Variants in ST18 observed in about 807,000 individuals in gnomAD.
The protein encoded by ST18 is ST18 C2H2C-type zinc finger transcription factor, also known as suppression of tumorigenicity 18 protein.
A neutral mutation model predicts 110.0 loss-of-function variants in ST18; 50 were observed. The observed-to-expected ratio is 0.45, with a 90% confidence interval of 0.36 to 0.58. The LOEUF is 0.58. Ranked by LOEUF, ST18 falls within the 20% of genes least tolerant of loss-of-function variation. ST18 has a pLI of 0.00. For synonymous variants in ST18, 461 were observed against 452.4 expected (o/e 1.02, Z -0.24); for missense variants, 1,306 against 1,280.1 (o/e 1.02, Z -0.31).
intron 2 of ST18, among the ~76,000 whole-genome samples, chr8:52,306,645 G>C (rs1266079968): frequency 6.6e-6 from 1 of 152,172 alleles, no homozygotes; most frequent in African/African-American, 2.4e-5. Context: ...AAGTATAATA[G>C]CAGAAAAAGA....
rs1356265703 is a variant in ST18 at position 52,163,969 on chromosome 8, T to A, written c.1400+17A>T. On this transcript the variant is annotated intron_variant, in intron 13 of 25. Coordinates refer to ENST00000689386, the MANE Select transcript of ST18 (RefSeq NM_001352837.2). ...CTGGATGAAGAGAGCACTGAGAACA[T>A]CGTTAGGGGTTCATACCTGTGGGCC... 21 of 1,596,250 alleles carry A rather than the reference T, an allele frequency of 1.3e-5. No homozygotes were observed. Among genetic ancestry groups the A allele is most frequent in the Non-Finnish European group, 1.8e-5 (21 of 1,164,358 alleles).
chr8:52,205,488 A>G (rs542924933), intron 8 of ST18, among the ~76,000 whole-genome samples: 4 of 152,278 alleles, frequency 2.6e-5, no homozygotes, highest in African/African-American at 9.6e-5. Flanking sequence ...TTAAAATCAC[A>G]TGATTAGCTC....
chr8:52,218,753 C>G (rs2136264177), intron 5 of ST18, among the ~76,000 whole-genome samples: 1 of 151,936 alleles, frequency 6.6e-6, no homozygotes, highest in South Asian at 2.1e-4. Flanking sequence ...AGTAAGCACC[C>G]TTTTGAACAA....
chr8:52,143,409 C>T (rs1446727059), intron 16 of ST18, among the ~76,000 whole-genome samples: 2 of 151,890 alleles, frequency 1.3e-5, no homozygotes, highest in Non-Finnish European at 1.5e-5. Flanking sequence ...TGCGTGAACC[C>T]GGGAAGCGGG....
chr8:52,252,391 A>ATGTC (rs2094353702), intron 2 of ST18, among the ~76,000 whole-genome samples: 1 of 152,004 alleles, frequency 6.6e-6, no homozygotes, highest in Non-Finnish European at 1.5e-5. Context: ...TACCATGGAC[A>ATGTC]GCTCCTAACA....
At chr8:52,369,086 A>G (rs1829275069) in intron 2 of ST18, among the ~76,000 whole-genome samples, 1 of 152,250 alleles carries the variant, frequency 6.6e-6, no homozygotes. Flanking sequence ...ACCGAAAGCC[A>G]TATCTGCCAG....
At chr8:52,344,107 C>T (rs940326349) in intron 2 of ST18, among the ~76,000 whole-genome samples, 5 of 151,938 alleles carry the variant, frequency 3.3e-5, no homozygotes, top group African/African-American at 9.7e-5. Context: ...TACTAAGGTA[C>T]GAAATCAATT....
At chr8:52,392,129 T>C (rs1839498954) in intron 2 of ST18, among the ~76,000 whole-genome samples, 1 of 152,178 alleles carries the variant, frequency 6.6e-6, no homozygotes, top group African/African-American at 2.4e-5. Context: ...CCAGGATCTG[T>C]GTATGGAGTT....
Position 52,114,821 on chromosome 8 carries a change from G to T in ST18, c.3003+1454C>A, listed in dbSNP as rs192042665. On this transcript the variant is annotated intron_variant, in intron 25 of 25. Transcript: ENST00000689386. ...CTATGGAATGGGAATACTAATGCTC[G>T]CTCTTTGGTGCTTTCGTAACATTTT... 3.2e-4 allele frequency among the ~76,000 whole-genome samples: 48 copies of T among 152,262 alleles called. No homozygotes were observed. The East Asian group carries it at 8.5e-3, about 27-fold the overall frequency.
chr8:52,404,593 C>A (rs1843820962), intron 2 of ST18: 1 of 152,166 alleles, frequency 6.6e-6, no homozygotes, highest in Non-Finnish European at 1.5e-5. Flanking sequence ...GCAAAAGGTG[C>A]AAAGCGGAGG....
chr8:52,270,582 T>C (rs1004720956), intron 2 of ST18, among the ~76,000 whole-genome samples: 3 of 152,224 alleles, frequency 2.0e-5, no homozygotes, highest in African/African-American at 7.2e-5. Flanking sequence ...TGTGACATGA[T>C]GGATATGAAA....
chr8:52,334,102 C>T (rs1314843760), intron 2 of ST18, among the ~76,000 whole-genome samples: 1 of 152,180 alleles, frequency 6.6e-6, no homozygotes, highest in African/African-American at 2.4e-5. Flanking sequence ...ACATTTAAAC[C>T]TTTGTTTTAT....
At chr8:52,179,931 T>C (rs111358457) in intron 9 of ST18, among the ~76,000 whole-genome samples, 191 bp downstream of exon 9, 31 of 152,318 alleles carry the variant, frequency 2.0e-4, no homozygotes, top group Non-Finnish European at 3.2e-4. Context: ...TTATGGACCC[T>C]CCACAGTTAC....
chr8:52,289,646 T>A (rs752842798), intron 2 of ST18, among the ~76,000 whole-genome samples: 19 of 152,162 alleles, frequency 1.2e-4, no homozygotes, highest in Non-Finnish European at 2.6e-4. Context: ...GTCATTCACT[T>A]CTTTCTCCAG....
chr8:52,143,328 T>C (rs1311919405), intron 16 of ST18, among the ~76,000 whole-genome samples: 1 of 152,040 alleles, frequency 6.6e-6, no homozygotes, highest in Non-Finnish European at 1.5e-5. Context: ...CTACCAAAAA[T>C]ACAAAAATTT....
rs1024227717 is a variant in ST18, at chr8:52,139,514, C to T, written c.2169-2031G>A. 3.3e-5 allele frequency among the ~76,000 whole-genome samples: 5 copies of T among 151,972 alleles called. No homozygotes were observed. In the East Asian group the frequency reaches 9.6e-4, roughly 29 times the overall value. On this transcript the variant is annotated intron_variant, in intron 17 of 25. Coordinates refer to ENST00000689386, the MANE Select transcript of ST18 (RefSeq NM_001352837.2). ...TGGATTACAGGCGTGTACCACCATG[C>T]CCGACTAATTTTTGTGTTTTTAGTA...
intron 8 of ST18, among the ~76,000 whole-genome samples, chr8:52,202,249 A>G (rs2078233180): frequency 6.6e-6 from 1 of 152,216 alleles, no homozygotes; most frequent in Non-Finnish European, 1.5e-5. Context: ...TGCCTTTATC[A>G]TGCATTACAA....
chr8:52,297,881 G>A (rs1447646930), intron 2 of ST18, among the ~76,000 whole-genome samples: 1 of 152,246 alleles, frequency 6.6e-6, no homozygotes, highest in African/African-American at 2.4e-5. Context: ...AATGAGAGCT[G>A]TTCACAGAAG....
intron 17 of ST18, among the ~76,000 whole-genome samples, chr8:52,141,942 CT>C (rs919760052): frequency 1.3e-5 from 2 of 152,118 alleles, no homozygotes; most frequent in African/African-American, 4.8e-5. Flanking sequence ...GCACCGCGCT[CT>C]TTAGAAGGCT....
Sources: allele counts gnomAD v4.1 joint callset (sites outside exome capture counted in the v4.1 genomes callset), GRCh38; gene constraint gnomAD v4.1.1; transcripts MANE v1.5; gene names NCBI Gene and HGNC (gene_info 2026-07-23, HGNC 2026-07-21).